The following SLC38A11 variants were observed in gnomAD, a reference collection of about 807,000 sequenced individuals.
The protein encoded by SLC38A11 is solute carrier family 38 member 11.
Under a neutral mutation model 49.4 loss-of-function variants are expected in SLC38A11, and 51 were observed. The ratio of observed to expected loss-of-function variants is 1.03; its 90% CI spans 0.83 to 1.30. SLC38A11 has a LOEUF of 1.30. Among genes scored for constraint, SLC38A11 ranks in the 50% most tolerant of loss-of-function variants. The pLI, the probability that SLC38A11 is intolerant of heterozygous loss-of-function variation, is 0.00. For missense variants in SLC38A11, 574 were observed against 556.2 expected (o/e 1.03, Z -0.32); for synonymous variants, 203 against 192.9 (o/e 1.05, Z -0.43).
chr2:164,904,944 T>C (rs1394018948), intron 11 of SLC38A11, among the ~76,000 whole-genome samples: 2 of 152,098 alleles, frequency 1.3e-5, no homozygotes, highest in African/African-American at 4.8e-5. Flanking sequence ...AATGCCTGTG[T>C]TCAAATCTGT....
intron 6 of SLC38A11, among the ~76,000 whole-genome samples, chr2:164,938,349 C>A: frequency 6.6e-6 from 1 of 152,074 alleles, no homozygotes; most frequent in East Asian, 1.9e-4. Context: ...GATTAGGGCT[C>A]CTAACCACTC....
intron 1 of SLC38A11, 61 bp downstream of exon 1, chr2:164,955,148 T>G: frequency 4.0e-6 from 6 of 1,497,538 alleles, no homozygotes; most frequent in Non-Finnish European, 5.5e-6. Flanking sequence ...CCTGACCTGT[T>G]GCAAGGTGAA....
Position 164,952,986 on chromosome 2 carries a change from C to T in SLC38A11, c.155-205G>A, listed in dbSNP as rs995828832. ...GAATAAAATGTTATTAGCTTAGGGA[C>T]AAGTTAAGAGAGCAAGTTTCTGAGG... On this transcript the variant is annotated intron_variant, in intron 2 of 11. Coordinates refer to ENST00000685975, the MANE Select transcript of SLC38A11 (RefSeq NM_001351537.2). 2.2e-5 allele frequency: 11 copies of T among 491,676 alleles called. No homozygotes were observed. In the African/African-American group the frequency reaches 2.2e-4, roughly 10 times the overall value. 30.5% of individuals were successfully genotyped at this position (491,676 alleles called of 1,614,324 possible).
At chr2:164,955,097 T>C (rs1688762209) in intron 1 of SLC38A11, 112 bp downstream of exon 1, 7 of 1,028,976 alleles carry the variant, frequency 6.8e-6, no homozygotes, top group Non-Finnish European at 8.6e-6. Context: ...CCAGAGAACT[T>C]TTCGCGGTGC....
intron 7 of SLC38A11, among the ~76,000 whole-genome samples, chr2:164,917,133 G>A (rs1685852892): frequency 6.6e-6 from 1 of 152,096 alleles, no homozygotes; most frequent in Admixed American, 6.6e-5. Flanking sequence ...ACTTCCCTGG[G>A]AAGGGAAGGC....
chr2:164,930,988 A>T (rs1285223581), intron 7 of SLC38A11, among the ~76,000 whole-genome samples: 3 of 152,120 alleles, frequency 2.0e-5, no homozygotes, highest in Non-Finnish European at 4.4e-5. Context: ...AAATGACATG[A>T]TCCTATATCT....
At chr2:164,931,878 C>T (rs544776200) in intron 7 of SLC38A11, among the ~76,000 whole-genome samples, 49 of 152,112 alleles carry the variant, frequency 3.2e-4, no homozygotes, top group African/African-American at 1.1e-3. Context: ...TATTTCATGA[C>T]GAAAATGCCA....
intron 7 of SLC38A11, among the ~76,000 whole-genome samples, chr2:164,927,647 C>T (rs187163449): frequency 6.6e-6 from 1 of 152,216 alleles, no homozygotes; most frequent in African/African-American, 2.4e-5. Flanking sequence ...ATCTTCCAAC[C>T]TGTCCCTACC....
chr2:164,923,836 G>A (rs1371685412), intron 7 of SLC38A11, among the ~76,000 whole-genome samples: 1 of 151,962 alleles, frequency 6.6e-6, no homozygotes, highest in Non-Finnish European at 1.5e-5. Context: ...TGGGGCTGTG[G>A]AGAAAAGGGA....
chr2:164,898,225 C>A lies in SLC38A11; in HGVS notation c.*212G>T. On this transcript the variant is annotated 3_prime_UTR_variant, in exon 12 of 12. Transcript: ENST00000685975. ...TCAATTAGCATTAGTGTAGTGCAGT[C>A]ATTAGAACAAAACCCTTATTTTGTT... 1 of 479,838 alleles carries A rather than the reference C, an allele frequency of 2.1e-6. No individual in the cohort carries two copies. Among genetic ancestry groups the A allele is most frequent in the South Asian group, 2.8e-5 (1 of 35,790 alleles). The allele number at this position is 479,838 out of a possible 1,614,324, so 29.7% of individuals were successfully genotyped here.
intron 3 of SLC38A11, among the ~76,000 whole-genome samples, chr2:164,947,099 T>C (rs1303257090): frequency 4.0e-5 from 6 of 149,958 alleles, no homozygotes; most frequent in Non-Finnish European, 8.9e-5. Flanking sequence ...AGTCCTGGAT[T>C]CTTGGACTTT....
intron 9 of SLC38A11, among the ~76,000 whole-genome samples, chr2:164,913,054 A>G (rs575865976): frequency 6.6e-6 from 1 of 152,150 alleles, no homozygotes; most frequent in East Asian, 1.9e-4. Flanking sequence ...TCAATACTAC[A>G]CCATTTAAAA....
intron 3 of SLC38A11, chr2:164,950,223 C>A (rs1688428658): frequency 6.6e-6 from 1 of 152,142 alleles, no homozygotes; most frequent in Non-Finnish European, 1.5e-5. Context: ...TTACTGGCAA[C>A]AGAGTTGGCA....
intron 1 of SLC38A11, 76 bp downstream of exon 1, chr2:164,955,133 G>T: frequency 7.2e-7 from 1 of 1,386,282 alleles, no homozygotes; most frequent in Non-Finnish European, 1.0e-6. Flanking sequence ...GGTGAAGGTA[G>T]GTGACCTGAC....
In SLC38A11 at chr2:164,937,542, T is replaced by A. The variant is rs979399657; in HGVS notation, c.538-113A>T. ...AAACTTACATATAGATTTTTTTGCCTAATTCTTTAGTAGGTTATTCTTGCA... is the reference window on the plus strand; with the variant it reads ...AAACTTACATATAGATTTTTTTGCCAAATTCTTTAGTAGGTTATTCTTGCA... On this transcript the variant is annotated intron_variant, in intron 6 of 11. Coordinates refer to ENST00000685975, the MANE Select transcript of SLC38A11 (RefSeq NM_001351537.2). The A allele has an allele frequency of 2.6e-5, 18 of 685,724 alleles. No homozygotes were observed. The African/African-American group carries it at 3.3e-4, about 12-fold the overall frequency. 42.5% of individuals were successfully genotyped at this position (685,724 alleles called of 1,614,324 possible). A position where few individuals can be genotyped will look rare whatever the true frequency, so the allele number is the denominator to read the frequency against.
chr2:164,942,447 A>AG (rs398104934), intron 5 of SLC38A11, among the ~76,000 whole-genome samples: 4 of 150,974 alleles, frequency 2.6e-5, no homozygotes, highest in African/African-American at 9.7e-5. Flanking sequence ...AAAAAAAAAA[A>AG]CAAAAACAGA....
intron 11 of SLC38A11, among the ~76,000 whole-genome samples, chr2:164,905,844 T>G (rs73970917): frequency 4.4e-4 from 67 of 152,318 alleles, no homozygotes; most frequent in African/African-American, 1.6e-3. Context: ...CAGGGCCAGC[T>G]CAGATCTTGA....
rs1685745803 is a variant in SLC38A11 at position 164,915,888 on chromosome 2, A to G, written c.688+15T>C. Reference sequence around the variant, plus strand: ...ACTCCACATTGAGAAAGGGCCTTTGAAACCAAATACTCACCAAAAGACATA... The same window carrying G: ...ACTCCACATTGAGAAAGGGCCTTTGGAACCAAATACTCACCAAAAGACATA... On this transcript the variant is annotated intron_variant, in intron 8 of 11. Transcript: ENST00000685975. 6.3e-7 allele frequency: 1 copy of G among 1,585,626 alleles called. No homozygotes were observed. The highest frequency in any genetic ancestry group is 1.3e-5 in the African/African-American group (1 of 74,582).
intron 7 of SLC38A11, among the ~76,000 whole-genome samples, chr2:164,924,628 A>G (rs1686437886): frequency 6.6e-6 from 1 of 152,226 alleles, no homozygotes; most frequent in Non-Finnish European, 1.5e-5. Context: ...TTAAACCAAA[A>G]TAAACTCTTC....
Sources: allele counts gnomAD v4.1 joint callset (sites outside exome capture counted in the v4.1 genomes callset), GRCh38; gene constraint gnomAD v4.1.1; transcripts MANE v1.5; gene names NCBI Gene and HGNC (gene_info 2026-07-23, HGNC 2026-07-21).